ZNF335: variants seen among roughly 807,000 people sequenced by gnomAD.
ZNF335 encodes the protein NRC-interacting factor 1.
Under a neutral mutation model 145.6 loss-of-function variants are expected in ZNF335, and 84 were observed. The ratio of observed to expected loss-of-function variants is 0.58; its 90% CI spans 0.48 to 0.69. ZNF335 has a LOEUF of 0.69. Ranked by LOEUF, ZNF335 falls within the 30% of genes least tolerant of loss-of-function variation. The pLI is 0.00. For missense variants in ZNF335, 1,865 were observed against 1,809.7 expected (o/e 1.03, Z -0.55); for synonymous variants, 761 against 717.0 (o/e 1.06, Z -0.98).
At chr20:45,960,148 TGATCA>T in intron 14 of ZNF335, 55 bp downstream of exon 14, 1 of 1,587,864 alleles carries the variant, frequency 6.3e-7, no homozygotes, top group African/African-American at 1.3e-5. Flanking sequence ...GCTAAGCCTC[TGATCA>T]GGGGTACAGG....
At chr20:45,970,095 C>T (rs1055320454) in intron 2 of ZNF335, 3 of 164,964 alleles carry the variant, frequency 1.8e-5, no homozygotes, top group Non-Finnish European at 2.7e-5. Context: ...GGCTTTGAGG[C>T]CAAGTCAGGA....
In ZNF335 at chr20:45,949,813, G is replaced by A. The variant is rs777547214; in HGVS notation, c.3656C>T (p.Thr1219Ile). 1 of 1,614,110 alleles carries A rather than the reference G, an allele frequency of 6.2e-7. No individual in the cohort carries two copies. Among genetic ancestry groups the A allele is most frequent in the Non-Finnish European group, 8.5e-7 (1 of 1,179,992 alleles). Residue 1219 changes from threonine to isoleucine, a missense_variant, in exon 24 of 28, where the codon ACC (threonine) becomes ATC (isoleucine). Physicochemically the swap from Thr to Ile is moderately conservative, Grantham distance 89. Transcript: ENST00000322927. ...CTAGTAGCTCACCTGGTTGTCGGAGGTCACCAGGTGCTGTACGGTCTGGCC... is the reference window on the plus strand; with the variant it reads ...CTAGTAGCTCACCTGGTTGTCGGAGATCACCAGGTGCTGTACGGTCTGGCC... ...ADGQTVQHLV[T>I]SDNQVQYIIS...
chr20:45,950,714 T>C, intron 20 of ZNF335, 119 bp from the exon 21 acceptor site: 3 of 1,375,320 alleles, frequency 2.2e-6, no homozygotes. Flanking sequence ...AAAACCAAAA[T>C]CCTGTGCACT....
rs565020021 is a variant in ZNF335 at position 45,962,424 on chromosome 20, T to C, written c.1534-242A>G. Among the ~76,000 whole-genome samples the C allele has an allele frequency of 5.8e-4, 89 of 152,336 alleles. No individual in the cohort carries two copies. The South Asian group carries it at 6.8e-3, about 12-fold the overall frequency. ...CTCACAACTTGACAAAGAAGGAACC[T>C]GAGTCTCAGGGTGGAGGGACCTTGC... On this transcript the variant is annotated intron_variant, in intron 9 of 27. Transcript: ENST00000322927.
chr20:45,971,836 T>A (rs2084076019), intron 1 of ZNF335: 4 of 985,110 alleles, frequency 4.1e-6, no homozygotes, highest in Non-Finnish European at 4.8e-6. Flanking sequence ...GGGTCAGTGG[T>A]TCGCTCCCCC....
Position 45,960,889 on chromosome 20 carries a change from G to A in ZNF335, c.1647-7C>T. ...CGGATCTGGCCTCTTCTTCCTGTGG[G>A]GAAAAGGCCGAGGAATTAGACCAGA... On this transcript the variant is annotated splice_region_variant and splice_polypyrimidine_tract_variant and intron_variant, in intron 10 of 27. Coordinates refer to ENST00000322927, the MANE Select transcript of ZNF335 (RefSeq NM_022095.4). 6.2e-7 allele frequency: 1 copy of A among 1,613,536 alleles called. No homozygotes were observed. The highest frequency in any genetic ancestry group is 8.5e-7 in the Non-Finnish European group (1 of 1,179,802).
chr20:45,962,044 CA>C, intron 10 of ZNF335, 25 bp downstream of exon 10: 1 of 1,562,408 alleles, frequency 6.4e-7, no homozygotes, highest in Non-Finnish European at 8.8e-7. Flanking sequence ...CTCTCTTGCC[CA>C]GGTCCCTCCC....
At chr20:45,970,917 G>A (rs902346199) in intron 2 of ZNF335, among the ~76,000 whole-genome samples, 1 of 152,078 alleles carries the variant, frequency 6.6e-6, no homozygotes, top group African/African-American at 2.4e-5. Flanking sequence ...CAAAGTGTGA[G>A]GACTGTGGGT....
chr20:45,959,250 TG>T lies in ZNF335; in HGVS notation c.2203del (p.Gln735SerfsTer66). The T allele has an allele frequency of 6.7e-7, 1 of 1,501,188 alleles. No individual in the cohort carries two copies. The highest frequency in any genetic ancestry group is 9.0e-7 in the Non-Finnish European group (1 of 1,115,324). 93.0% of individuals were successfully genotyped at this position (1,501,188 alleles called of 1,614,324 possible). A position where few individuals can be genotyped will look rare whatever the true frequency, so the allele number is the denominator to read the frequency against. Reference sequence around the variant, plus strand: ...AGGTGGTCCAGGGGCCGCACTGTGCTGCTGCTTCAGCTCCTCAATCTGCTGC... The same window carrying T: ...AGGTGGTCCAGGGGCCGCACTGTGCTCTGCTTCAGCTCCTCAATCTGCTGC... ...SLQQIEELKQQHSAAPGPPPS... is the reference protein window; with the variant it reads ...SLQQIEELKQXHSAAPGPPPS... On this transcript the variant is annotated frameshift_variant, in exon 15 of 28. Transcript: ENST00000322927. LOFTEE classifies it high-confidence loss of function.
chr20:45,960,580 GCCCTCCTCTCAGC>G, intron 12 of ZNF335, 23 bp downstream of exon 12: 1 of 1,613,816 alleles, frequency 6.2e-7, no homozygotes, highest in Non-Finnish European at 8.5e-7. Flanking sequence ...CCCAGGGGAG[GCCCTCCTCTCAGC>G]CCCAGCCCTG....
At chr20:45,970,064 C>G in intron 2 of ZNF335, 1 of 180,408 alleles carries the variant, frequency 5.5e-6, no homozygotes, top group Non-Finnish European at 1.2e-5. Context: ...TAGCTGGTAC[C>G]TCTTCTAGGA....
chr20:45,963,070 C>T (rs949676727), intron 9 of ZNF335, among the ~76,000 whole-genome samples: 3 of 152,098 alleles, frequency 2.0e-5, no homozygotes, highest in South Asian at 2.1e-4. Flanking sequence ...GCCTCAGCCT[C>T]GCAAAGTGCT....
chr20:45,954,371 A>G (rs2083688790), intron 17 of ZNF335, among the ~76,000 whole-genome samples: 1 of 152,208 alleles, frequency 6.6e-6, no homozygotes, highest in Non-Finnish European at 1.5e-5. Context: ...ACAACTGACA[A>G]ATCACTTAGA....
intron 14 of ZNF335, 59 bp from the exon 15 acceptor site, chr20:45,959,492 G>T (rs1020586153): frequency 3.9e-6 from 5 of 1,284,642 alleles, no homozygotes; most frequent in Non-Finnish European, 4.1e-6. Flanking sequence ...CCCCCTCCAG[G>T]AATCCTTTCT....
At position 45,959,284 on chromosome 20, in the gene ZNF335, A is replaced by C. The variant is rs146141478; in HGVS notation, c.2170T>G (p.Phe724Val). The C allele has an allele frequency of 9.7e-6, 15 of 1,551,780 alleles. No individual in the cohort carries two copies. Among genetic ancestry groups the C allele is most frequent in the Non-Finnish European group, 1.3e-5 (15 of 1,144,772 alleles). Residue 724 changes from phenylalanine (F) to valine (V), a missense_variant, in exon 15 of 28, where the codon TTC becomes GTC. Phe to Val is a conservative substitution (Grantham distance 50). Transcript: ENST00000322927. Reference protein sequence around the residue: ...EEPPSRRRPFFSLQQIEELKQ... With the variant: ...EEPPSRRRPFVSLQQIEELKQ... ...AGCTCCTCAATCTGCTGCAGAGAGA[A>C]GAAGGGGCGACGGCGGGAGGGGGGC...
Position 45,952,371 on chromosome 20 carries a change from A to C in ZNF335, c.2965T>G (p.Ser989Ala). ...CTGGTTGCAGGAGGTGAGGAGGCAG[A>C]GCTCTGGGAGTCCCCTACGCAGTGG... ...KTHCVGDSQS[S>A]ASSPPATSKA... The change falls in exon 20 of 28, where the codon TCT becomes GCT. Residue 989 changes from serine (S) to alanine (A), a missense_variant. Ser to Ala is a moderately conservative substitution (Grantham distance 99). Transcript: ENST00000322927. 1 of 1,610,086 alleles carries C rather than the reference A, an allele frequency of 6.2e-7. No homozygotes were observed. Among genetic ancestry groups the C allele is most frequent in the Non-Finnish European group, 8.5e-7 (1 of 1,177,936 alleles).
chr20:45,966,896 G>A (rs112318929), intron 6 of ZNF335: 7,417 of 147,948 alleles, frequency 0.05, 214 homozygotes, highest in African/African-American at 0.074. Flanking sequence ...ACAGGGTCTC[G>A]CTCTGTTGCC....
chr20:45,967,663 T>C (rs770399632), intron 5 of ZNF335, 29 bp from the exon 6 acceptor site: 5 of 1,612,408 alleles, frequency 3.1e-6, no homozygotes, highest in South Asian at 1.1e-5. Context: ...TAAGACAAGC[T>C]TGCCATGTCT....
chr20:45,965,813 G>A (rs765985640), intron 6 of ZNF335, 39 bp from the exon 7 acceptor site: 3 of 1,575,322 alleles, frequency 1.9e-6, no homozygotes, highest in Admixed American at 1.8e-5. Flanking sequence ...GTGAGTGGCG[G>A]GACCTGCCCT....
Sources: gnomAD v4.1 joint callset for allele counts (sites outside exome capture counted in the v4.1 genomes callset) on GRCh38, gnomAD v4.1.1 for gene constraint, MANE v1.5 for transcripts, NCBI Gene and HGNC (gene_info 2026-07-23, HGNC 2026-07-21) for gene names.